Variants in USP50 observed in about 807,000 individuals in gnomAD.
USP50 encodes ubiquitin specific peptidase 50.
In USP50, 37 loss-of-function variants were observed where a neutral mutation model predicts 39.2. The ratio of observed to expected loss-of-function variants is 0.94; its 90% CI spans 0.73 to 1.24. The LOEUF (loss-of-function observed/expected upper bound fraction) is 1.24. Among genes scored for constraint, USP50 ranks in the 50% most tolerant of loss-of-function variants. The probability of loss-of-function intolerance (pLI) is 0.00; values close to 1 mark genes in which losing one functional copy is unlikely to be tolerated. For missense variants in USP50, 374 were observed against 398.2 expected, an observed-to-expected ratio of 0.94 and a Z score of 0.52; for synonymous variants, 139 against 144.5, an observed-to-expected ratio of 0.96 and a Z score of 0.27.
chr15:50,499,111 T>TTATC (rs1296686844), downstream of USP50: 2 of 1,557,510 alleles, frequency 1.3e-6, no homozygotes, highest in East Asian at 2.3e-5. Flanking sequence ...TATAAACTAG[T>TTATC]TATCTTTTAA....
chr15:50,514,434 A>G (rs1350747426), intron 6 of USP50: 2 of 152,202 alleles, frequency 1.3e-5, no homozygotes, highest in Non-Finnish European at 2.9e-5. Context: ...GCAGTGTCTC[A>G]TACCTGTATT....
At chr15:50,518,766 T>C (rs2141360941) in intron 6 of USP50, among the ~76,000 whole-genome samples, 1 of 152,236 alleles carries the variant, frequency 6.6e-6, no homozygotes, top group African/African-American at 2.4e-5. Context: ...ATTTTATGGC[T>C]AAGGCCTTAA....
intron 6 of USP50, chr15:50,502,932 T>C (rs1232535105): frequency 6.6e-6 from 1 of 152,256 alleles, no homozygotes; most frequent in Admixed American, 6.5e-5. Flanking sequence ...ATAGCTGTTA[T>C]CAAATATCTC....
chr15:50,533,916 C>T (rs991792970), intron 5 of USP50, among the ~76,000 whole-genome samples: 1 of 152,136 alleles, frequency 6.6e-6, no homozygotes, highest in Non-Finnish European at 1.5e-5. Context: ...AGGAGAATCG[C>T]TTGAACCTGG....
At chr15:50,535,357 A>G (rs1473570946) in intron 5 of USP50, among the ~76,000 whole-genome samples, 1 of 152,190 alleles carries the variant, frequency 6.6e-6, no homozygotes, top group Non-Finnish European at 1.5e-5. Flanking sequence ...AGCAGAATAT[A>G]TATTATTCTC....
intron 6 of USP50, among the ~76,000 whole-genome samples, chr15:50,526,932 C>T (rs575125419): frequency 1.3e-5 from 2 of 152,314 alleles, no homozygotes; most frequent in South Asian, 4.1e-4. Context: ...GTGCTTAGAA[C>T]AGTGCCTGAT....
intron 6 of USP50, among the ~76,000 whole-genome samples, chr15:50,527,265 C>T (rs2052905586): frequency 6.6e-6 from 1 of 152,108 alleles, no homozygotes; most frequent in Non-Finnish European, 1.5e-5. Context: ...AGTGCAGTGG[C>T]ACGATCTCAG....
Position 50,531,897 on chromosome 15 carries a change from G to A in USP50, c.804-1968C>T, listed in dbSNP as rs147492821. On this transcript the variant is annotated intron_variant, in intron 5 of 6. Transcript: ENST00000532404. Reference sequence around the variant, plus strand: ...TCCCTCAGGAAGGAAAGAATTAACCGAAAGGAAAATAAACAGCTCTTCTTA... The same window carrying A: ...TCCCTCAGGAAGGAAAGAATTAACCAAAAGGAAAATAAACAGCTCTTCTTA... 7 of 253,006 alleles carry A rather than the reference G, an allele frequency of 2.8e-5. No individual in the cohort carries two copies. The East Asian group carries it at 3.5e-4, about 13-fold the overall frequency. 15.7% of individuals were successfully genotyped at this position (253,006 alleles called of 1,614,324 possible).
chr15:50,503,663 G>C (rs1394504693), intron 6 of USP50: 1 of 152,090 alleles, frequency 6.6e-6, no homozygotes, highest in East Asian at 1.9e-4. Context: ...CACCAGTTTG[G>C]GATTCAAATT....
chr15:50,515,320 C>T (rs1240789122), intron 6 of USP50, among the ~76,000 whole-genome samples: 4 of 152,136 alleles, frequency 2.6e-5, no homozygotes, highest in Non-Finnish European at 5.9e-5. Context: ...CGGCTCACTG[C>T]AACCTCTGCC....
downstream of USP50, chr15:50,498,797 C>T: frequency 1.9e-6 from 3 of 1,555,766 alleles, no homozygotes; most frequent in Non-Finnish European, 1.7e-6. Context: ...AAGTGGTTTC[C>T]TACCTCATGG....
chr15:50,542,359 CAG>C (rs1297882818), intron 3 of USP50, among the ~76,000 whole-genome samples: 1 of 151,712 alleles, frequency 6.6e-6, no homozygotes, highest in Non-Finnish European at 1.5e-5. Flanking sequence ...TCTTGGGAAA[CAG>C]AATGCTGTTT....
chr15:50,526,431 T>C (rs1348716529), intron 6 of USP50, among the ~76,000 whole-genome samples: 4 of 152,156 alleles, frequency 2.6e-5, no homozygotes, highest in African/African-American at 9.7e-5. Context: ...GTGCCTGAAG[T>C]ATTTCATTGT....
At chr15:50,493,725 G>A (rs1348904551), downstream of USP50, 1 of 381,978 alleles carries the variant, frequency 2.6e-6, no homozygotes, top group African/African-American at 2.1e-5. Flanking sequence ...ACCAGCCTGG[G>A]TGACAGAATG....
chr15:50,530,224 A>G (rs780851664), intron 5 of USP50, among the ~76,000 whole-genome samples: 15 of 152,112 alleles, frequency 9.9e-5, no homozygotes, highest in Non-Finnish European at 1.3e-4. Context: ...CTGAGGCTGC[A>G]GTGAGTCGTG....
intron 6 of USP50, among the ~76,000 whole-genome samples, chr15:50,515,273 G>A (rs1160483013): frequency 3.3e-5 from 5 of 152,012 alleles, no homozygotes; most frequent in African/African-American, 7.2e-5. Context: ...ACGGAGTCTT[G>A]CTCTGTCGCC....
intron 6 of USP50, among the ~76,000 whole-genome samples, chr15:50,527,798 C>A (rs1203110014): frequency 1.3e-5 from 2 of 151,650 alleles, no homozygotes; most frequent in African/African-American, 4.8e-5. Flanking sequence ...CCACACCCAG[C>A]TAATTTTTTT....
At chr15:50,534,125 T>C (rs891846139) in intron 5 of USP50, among the ~76,000 whole-genome samples, 5 of 152,232 alleles carry the variant, frequency 3.3e-5, no homozygotes, top group African/African-American at 9.6e-5. Context: ...CTTTTATTTT[T>C]CTTATTATTA....
At chr15:50,495,765 A>T, downstream of USP50, 1 of 1,099,824 alleles carries the variant, frequency 9.1e-7, no homozygotes, top group Admixed American at 2.5e-5. Flanking sequence ...AAATCTGGCA[A>T]GTGTTTGTAT....
Sources: allele counts gnomAD v4.1 joint callset (sites outside exome capture counted in the v4.1 genomes callset), GRCh38; gene constraint gnomAD v4.1.1; transcripts MANE v1.5; gene names NCBI Gene and HGNC (gene_info 2026-07-23, HGNC 2026-07-21).